The following RNF6 variants were observed in gnomAD, a reference collection of about 807,000 sequenced individuals.
RNF6 encodes the protein ring finger protein 6.
RNF6 carries 21 observed loss-of-function variants against 50.1 expected under a neutral mutation model. The observed-to-expected ratio is 0.42, with a 90% confidence interval of 0.30 to 0.60. The LOEUF (loss-of-function observed/expected upper bound fraction) is 0.60, where lower values mean the gene tolerates loss of function less well. Ranked by LOEUF, RNF6 falls within the 20% of genes least tolerant of loss-of-function variation. The probability of loss-of-function intolerance (pLI) is 0.20; values close to 1 mark genes in which losing one functional copy is unlikely to be tolerated. For synonymous variants in RNF6, 255 were observed against 291.8 expected (o/e 0.87, Z 1.29); for missense variants, 698 against 838.2 (o/e 0.83, Z 2.07).
chr13:26,200,505 G>C (rs545806504), intron 5 of RNF6, among the ~76,000 whole-genome samples: 1 of 150,980 alleles, frequency 6.6e-6, no homozygotes, highest in East Asian at 2.0e-4. Flanking sequence ...CACCTCCCAG[G>C]TTCAAGCAAT....
intron 5 of RNF6, among the ~76,000 whole-genome samples, chr13:26,160,021 C>G (rs547442376): frequency 6.6e-6 from 1 of 152,224 alleles, no homozygotes; most frequent in Non-Finnish European, 1.5e-5. Context: ...ATATAAACTA[C>G]TGATCATTTC....
At chr13:26,219,778 AT>A (rs2137796461) in intron 2 of RNF6, 111 bp from the exon 3 acceptor site, 1 of 934,056 alleles carries the variant, frequency 1.1e-6, no homozygotes, top group Non-Finnish European at 1.6e-6. Context: ...CCCTACCCAA[AT>A]ACTGTATTTG....
chr13:26,170,822 C>A (rs529236321), intron 5 of RNF6, among the ~76,000 whole-genome samples: 2 of 152,258 alleles, frequency 1.3e-5, no homozygotes, highest in East Asian at 1.9e-4. Context: ...AATATTGGAG[C>A]CACACTTGTA....
intron 5 of RNF6, among the ~76,000 whole-genome samples, chr13:26,207,581 T>C (rs1869161352): frequency 6.6e-6 from 1 of 152,134 alleles, no homozygotes; most frequent in South Asian, 2.1e-4. Context: ...GAAGTCTGGG[T>C]TCCTATTTGT....
At chr13:26,217,899 G>A (rs1870060800) in intron 4 of RNF6, among the ~76,000 whole-genome samples, 2 of 152,126 alleles carry the variant, frequency 1.3e-5, no homozygotes, top group South Asian at 4.1e-4. Flanking sequence ...CTAGCTTATT[G>A]AGCCATTGCA....
chr13:26,174,979 G>T lies in RNF6; in HGVS notation n.768+40495C>A, dbSNP rs545898141. ...ATTTCCAGAGTCACTGGGGGTTAGT[G>T]GTTCACTGTATGAATTTGGAAGGGG... On this transcript the variant is annotated intron_variant and non_coding_transcript_variant, in intron 5 of 5. Coordinates refer to the RNF6 transcript ENST00000468480. 2.6e-5 allele frequency among the ~76,000 whole-genome samples: 4 copies of T among 152,290 alleles called. No individual in the cohort carries two copies. The East Asian group carries it at 7.7e-4, about 29-fold the overall frequency.
chr13:26,191,527 T>C (rs1868458005), intron 5 of RNF6, among the ~76,000 whole-genome samples: 1 of 152,154 alleles, frequency 6.6e-6, no homozygotes, highest in Non-Finnish European at 1.5e-5. Context: ...GATTGGATCA[T>C]GGGGGCAGTT....
chr13:26,165,027 A>C (rs1442166628), intron 5 of RNF6, among the ~76,000 whole-genome samples: 4 of 152,172 alleles, frequency 2.6e-5, no homozygotes. Flanking sequence ...AGAGGTCTTC[A>C]CAGCTGCCAC....
At chr13:26,132,496 A>G (rs759574267) in intron 5 of RNF6, 1 of 453,806 alleles carries the variant, frequency 2.2e-6, no homozygotes. Flanking sequence ...TAGAAGTTTA[A>G]TGTACTATGT....
chr13:26,140,116 G>A (rs1870860539), intron 5 of RNF6, among the ~76,000 whole-genome samples: 1 of 152,158 alleles, frequency 6.6e-6, no homozygotes, highest in Non-Finnish European at 1.5e-5. Flanking sequence ...ATATTTTGGG[G>A]ATGGGGATTA....
At chr13:26,178,788 T>C (rs1300947421) in intron 5 of RNF6, among the ~76,000 whole-genome samples, 1 of 152,064 alleles carries the variant, frequency 6.6e-6, no homozygotes, top group Non-Finnish European at 1.5e-5. Context: ...ATCTCCCCAT[T>C]TTCCCCTCCC....
At chr13:26,172,889 G>A (rs572379809) in intron 5 of RNF6, among the ~76,000 whole-genome samples, 1 of 152,026 alleles carries the variant, frequency 6.6e-6, no homozygotes, top group East Asian at 1.9e-4. Context: ...TGAAAATGGA[G>A]AAAGGTTTTC....
intron 5 of RNF6, among the ~76,000 whole-genome samples, chr13:26,136,657 T>C (rs1218872537): frequency 2.6e-5 from 4 of 152,198 alleles, no homozygotes; most frequent in Non-Finnish European, 4.4e-5. Context: ...TCTTATTCAC[T>C]GAAATATCAG....
chr13:26,185,695 G>A (rs1272214034), intron 5 of RNF6, among the ~76,000 whole-genome samples: 1 of 152,116 alleles, frequency 6.6e-6, no homozygotes, highest in African/African-American at 2.4e-5. Context: ...GCAGTGAGCC[G>A]AGATCGTGCC....
At chr13:26,176,883 G>A (rs1324703290) in intron 5 of RNF6, among the ~76,000 whole-genome samples, 6 of 152,180 alleles carry the variant, frequency 3.9e-5, no homozygotes, top group Admixed American at 1.3e-4. Flanking sequence ...GCAGTGAGCC[G>A]AGGTGGCGCG....
At chr13:26,184,269 G>C (rs1472384541) in intron 5 of RNF6, among the ~76,000 whole-genome samples, 1 of 151,856 alleles carries the variant, frequency 6.6e-6, no homozygotes, top group African/African-American at 2.4e-5. Context: ...CTGACCTCGT[G>C]ATTCGCCCGT....
intron 5 of RNF6, among the ~76,000 whole-genome samples, chr13:26,137,653 TAAA>T (rs57465135): frequency 3.6e-5 from 5 of 138,688 alleles, no homozygotes; most frequent in African/African-American, 1.1e-4. Context: ...ATAGAAATTA[TAAA>T]AAAAAAAAAA....
intron 5 of RNF6, among the ~76,000 whole-genome samples, chr13:26,175,378 G>A (rs529347273): frequency 6.6e-6 from 1 of 152,212 alleles, no homozygotes; most frequent in Non-Finnish European, 1.5e-5. Context: ...ACTGCACCCA[G>A]CCTCAGGTGA....
chr13:26,212,091 A>G (rs1869350315), downstream of RNF6, among the ~76,000 whole-genome samples: 3 of 152,154 alleles, frequency 2.0e-5, no homozygotes, highest in African/African-American at 7.2e-5. Context: ...TTTTATCACA[A>G]TAGTTCTCTT....
Sources: allele counts gnomAD v4.1 joint callset (sites outside exome capture counted in the v4.1 genomes callset), GRCh38; gene constraint gnomAD v4.1.1; transcripts MANE v1.5; gene names NCBI Gene and HGNC (gene_info 2026-07-23, HGNC 2026-07-21).